The following NFATC1 variants were observed in gnomAD, a reference collection of about 807,000 sequenced individuals.
NFATC1 encodes the protein nuclear factor of activated T-cells, cytoplasmic 1.
In NFATC1, 22 loss-of-function variants were observed where a neutral mutation model predicts 76.0. The ratio of observed to expected loss-of-function variants is 0.29; its 90% CI spans 0.21 to 0.41. The LOEUF is 0.41. Ranked by LOEUF, NFATC1 falls within the 10% of genes least tolerant of loss-of-function variation. NFATC1 has a pLI of 1.00. For missense variants in NFATC1, 1,357 were observed against 1,337.7 expected (o/e 1.01, Z -0.23); for synonymous variants, 704 against 613.1 (o/e 1.15, Z -2.19).
At chr18:79,511,737 C>T (rs1037645135) in intron 9 of NFATC1, among the ~76,000 whole-genome samples, 1 of 151,968 alleles carries the variant, frequency 6.6e-6, no homozygotes, top group Non-Finnish European at 1.5e-5. Flanking sequence ...TGCGTGGTTT[C>T]GAGGCTCTCA....
At chr18:79,420,522 C>T (rs966692254) in intron 2 of NFATC1, among the ~76,000 whole-genome samples, 14 of 149,318 alleles carry the variant, frequency 9.4e-5, no homozygotes, top group Non-Finnish European at 1.5e-4. Flanking sequence ...CATTTCCAGG[C>T]GAGGTCACTG....
intron 9 of NFATC1, among the ~76,000 whole-genome samples, chr18:79,508,640 G>A (rs934493696): frequency 1.1e-4 from 16 of 150,722 alleles, no homozygotes; most frequent in African/African-American, 2.2e-4. Context: ...TCTGTCTCTC[G>A]GTCTGTCTCT....
intron 9 of NFATC1, among the ~76,000 whole-genome samples, chr18:79,504,301 C>T (rs1429711795): frequency 6.6e-6 from 1 of 152,122 alleles, no homozygotes; most frequent in African/African-American, 2.4e-5. Flanking sequence ...TTTCCTTGCC[C>T]TTGAACTTTT....
intron 9 of NFATC1, among the ~76,000 whole-genome samples, chr18:79,488,489 G>T (rs1274549443): frequency 1.3e-5 from 2 of 152,106 alleles, no homozygotes; most frequent in Non-Finnish European, 2.9e-5. Context: ...CCACTCTCTG[G>T]AGGTTCATGA....
chr18:79,504,543 C>T (rs78812714), intron 9 of NFATC1, among the ~76,000 whole-genome samples: 3 of 152,220 alleles, frequency 2.0e-5, no homozygotes, highest in Non-Finnish European at 4.4e-5. Flanking sequence ...ATCTCCGCAG[C>T]AGATATGATA....
intron 6 of NFATC1, among the ~76,000 whole-genome samples, chr18:79,460,711 G>T (rs2088020142): frequency 6.6e-6 from 1 of 152,236 alleles, no homozygotes; most frequent in Non-Finnish European, 1.5e-5. Context: ...GGCAGGGCCA[G>T]CGGCCAGGCC....
intron 1 of NFATC1, among the ~76,000 whole-genome samples, chr18:79,401,217 C>T (rs773449540): frequency 4.0e-5 from 6 of 151,462 alleles, no homozygotes; most frequent in Non-Finnish European, 8.8e-5. Context: ...TGGTCACCGT[C>T]CGCCCCTGTC....
intron 9 of NFATC1, among the ~76,000 whole-genome samples, chr18:79,512,754 G>C (rs1179788103): frequency 6.6e-6 from 1 of 152,240 alleles, no homozygotes; most frequent in South Asian, 2.1e-4. Flanking sequence ...GCCTGCACAC[G>C]TGAGCCACGT....
At chr18:79,491,241 G>A (rs72991916) in intron 9 of NFATC1, among the ~76,000 whole-genome samples, 3,171 of 152,290 alleles carry the variant, frequency 0.021, 56 homozygotes, top group Non-Finnish European at 0.036. Flanking sequence ...GCAGGCAAGC[G>A]TGACCTGGAG....
At chr18:79,502,155 A>T (rs573898916) in intron 9 of NFATC1, among the ~76,000 whole-genome samples, 14 of 152,370 alleles carry the variant, frequency 9.2e-5, no homozygotes, top group African/African-American at 3.1e-4. Flanking sequence ...GGCATAGGAC[A>T]CATAGATCAG....
At chr18:79,411,802 C>T (rs1173328698) in intron 2 of NFATC1, among the ~76,000 whole-genome samples, 1 of 152,262 alleles carries the variant, frequency 6.6e-6, no homozygotes, top group Non-Finnish European at 1.5e-5. Context: ...TCTCTGCAAA[C>T]ACCCATTTCA....
chr18:79,481,940 G>A (rs1485397535), intron 8 of NFATC1, among the ~76,000 whole-genome samples: 1 of 147,254 alleles, frequency 6.8e-6, no homozygotes, highest in Non-Finnish European at 1.5e-5. Context: ...TGGTCCTGGG[G>A]TGTCACTCCA....
chr18:79,466,107 A>G (rs2088479633), intron 7 of NFATC1, among the ~76,000 whole-genome samples: 1 of 152,214 alleles, frequency 6.6e-6, no homozygotes, highest in Admixed American at 6.5e-5. Flanking sequence ...CGGGGAGGGC[A>G]TGGCCCCTCT....
intron 9 of NFATC1, among the ~76,000 whole-genome samples, chr18:79,516,947 G>C (rs1052990154): frequency 6.6e-6 from 1 of 152,214 alleles, no homozygotes; most frequent in Admixed American, 6.5e-5. Flanking sequence ...ATTGAAAGCT[G>C]TGTATTCAGC....
At chr18:79,412,402 G>A (rs939346837) in intron 2 of NFATC1, among the ~76,000 whole-genome samples, 8 of 152,058 alleles carry the variant, frequency 5.3e-5, no homozygotes, top group Non-Finnish European at 7.4e-5. Flanking sequence ...CGCGCAGCCC[G>A]GGGTATTCCA....
intron 1 of NFATC1, among the ~76,000 whole-genome samples, chr18:79,405,667 C>T (rs2085410892): frequency 6.6e-6 from 1 of 152,232 alleles, no homozygotes; most frequent in Non-Finnish European, 1.5e-5. Context: ...CCTCCAAGGA[C>T]CTGGGCGAGG....
At chr18:79,482,968 TC>T (rs2089347319) in intron 8 of NFATC1, among the ~76,000 whole-genome samples, 2 of 127,718 alleles carry the variant, frequency 1.6e-5, no homozygotes, top group Admixed American at 8.0e-5. Flanking sequence ...GTGACCTGGT[TC>T]CTGGGGTGTA....
chr18:79,459,778 AAAC>A (rs1260025015), intron 6 of NFATC1, among the ~76,000 whole-genome samples: 1 of 152,170 alleles, frequency 6.6e-6, no homozygotes, highest in Admixed American at 6.5e-5. Flanking sequence ...AAAAGGTGCC[AAAC>A]AACCAGAAGA....
intron 9 of NFATC1, among the ~76,000 whole-genome samples, chr18:79,519,854 T>G (rs2090471123): frequency 6.6e-6 from 1 of 152,230 alleles, no homozygotes; most frequent in African/African-American, 2.4e-5. Context: ...TATTTTCACT[T>G]TATTCAGAGG....
Sources: gnomAD v4.1 joint callset for allele counts (sites outside exome capture counted in the v4.1 genomes callset) on GRCh38, gnomAD v4.1.1 for gene constraint, MANE v1.5 for transcripts, NCBI Gene and HGNC (gene_info 2026-07-23, HGNC 2026-07-21) for gene names.